The following GABRG3 variants were observed in gnomAD, a reference collection of about 807,000 sequenced individuals.
GABRG3 encodes gamma-aminobutyric acid receptor subunit gamma-3.
GABRG3 carries 25 observed loss-of-function variants against 48.8 expected under a neutral mutation model. The ratio of observed to expected loss-of-function variants is 0.51; its 90% CI spans 0.37 to 0.72. The LOEUF (loss-of-function observed/expected upper bound fraction) is 0.72, where lower values mean the gene tolerates loss of function less well. Ranked by LOEUF, GABRG3 falls within the 30% of genes least tolerant of loss-of-function variation. The probability of loss-of-function intolerance (pLI) is 0.00; values close to 1 mark genes in which losing one functional copy is unlikely to be tolerated. For missense variants in GABRG3, 394 were observed against 577.9 expected, an observed-to-expected ratio of 0.68 and a Z score of 3.26; for synonymous variants, 227 against 217.6, an observed-to-expected ratio of 1.04 and a Z score of -0.38.
At chr15:27,493,714 T>C (rs181746178) in intron 6 of GABRG3, among the ~76,000 whole-genome samples, 1 of 152,382 alleles carries the variant, frequency 6.6e-6, no homozygotes, top group East Asian at 1.9e-4. Context: ...CTATTAGTTA[T>C]ATTCTTCAAT....
chr15:26,995,018 G>A (rs1029614267), intron 2 of GABRG3, among the ~76,000 whole-genome samples: 2 of 151,946 alleles, frequency 1.3e-5, no homozygotes, highest in African/African-American at 2.4e-5. Context: ...TTGATCTTCT[G>A]TCTAATTGCT....
At chr15:26,977,759 T>C (rs1894979449) in intron 2 of GABRG3, among the ~76,000 whole-genome samples, 1 of 152,228 alleles carries the variant, frequency 6.6e-6, no homozygotes, top group African/African-American at 2.4e-5. Context: ...TGTTTTTGTC[T>C]ATTGCAAATA....
chr15:27,244,672 A>G (rs1890222025), intron 3 of GABRG3, among the ~76,000 whole-genome samples: 1 of 152,124 alleles, frequency 6.6e-6, no homozygotes, highest in African/African-American at 2.4e-5. Context: ...AGTCCCAGCT[A>G]CTCAGGAGGC....
chr15:27,126,739 C>A (rs1897828030), intron 3 of GABRG3, among the ~76,000 whole-genome samples: 1 of 152,236 alleles, frequency 6.6e-6, no homozygotes, highest in Non-Finnish European at 1.5e-5. Flanking sequence ...TCTGAACTTG[C>A]AGCACCGCCT....
At chr15:27,501,153 G>A (rs12908811) in intron 6 of GABRG3, among the ~76,000 whole-genome samples, 5,737 of 152,032 alleles carry the variant, frequency 0.038, 169 homozygotes, top group Middle Eastern at 0.12. Context: ...GGGTTTCACC[G>A]TGTTAACCAG....
At chr15:27,516,128 C>T (rs1433321249) in intron 6 of GABRG3, among the ~76,000 whole-genome samples, 1 of 150,576 alleles carries the variant, frequency 6.6e-6, no homozygotes, top group Non-Finnish European at 1.5e-5. Flanking sequence ...AAAAAACACC[C>T]CTACCAACTT....
chr15:27,307,691 TTATA>T (rs1239701233), intron 3 of GABRG3, among the ~76,000 whole-genome samples: 2 of 116,348 alleles, frequency 1.7e-5, no homozygotes, highest in Non-Finnish European at 3.6e-5. Context: ...AGGTTTATGT[TTATA>T]TATTTATATA....
chr15:27,176,338 C>A (rs574063460), intron 3 of GABRG3, among the ~76,000 whole-genome samples: 1 of 152,152 alleles, frequency 6.6e-6, no homozygotes, highest in Admixed American at 6.5e-5. Flanking sequence ...AGCACCAAAA[C>A]GCTGAGTTCA....
chr15:27,497,513 G>A (rs543369884), intron 6 of GABRG3, among the ~76,000 whole-genome samples: 355 of 152,142 alleles, frequency 2.3e-3, no homozygotes, highest in Middle Eastern at 6.8e-3. Context: ...TCATGCTTTC[G>A]CCTTGGAAAA....
chr15:27,420,501 C>A (rs575784743), intron 5 of GABRG3, among the ~76,000 whole-genome samples: 3 of 151,998 alleles, frequency 2.0e-5, no homozygotes, highest in Non-Finnish European at 4.4e-5. Context: ...TATTCCACAC[C>A]GGGAATTTGC....
intron 6 of GABRG3, among the ~76,000 whole-genome samples, chr15:27,511,190 C>T (rs1329228408): frequency 3.3e-5 from 5 of 152,156 alleles, no homozygotes; most frequent in African/African-American, 9.7e-5. Flanking sequence ...AAAAGAAGCA[C>T]CAAAAGCGCA....
intron 3 of GABRG3, among the ~76,000 whole-genome samples, chr15:27,307,363 CCA>C (rs1892627130): frequency 3.9e-5 from 1 of 25,842 alleles, no homozygotes. Context: ...TTATATATAA[CCA>C]TATAGGTTTA....
intron 5 of GABRG3, among the ~76,000 whole-genome samples, chr15:27,379,779 G>A (rs533411229): frequency 6.6e-6 from 1 of 152,278 alleles, no homozygotes; most frequent in South Asian, 2.1e-4. Flanking sequence ...GAGAAGTCCA[G>A]TGGAACTCTT....
At chr15:27,025,967 C>T (rs2140681726) in intron 2 of GABRG3, among the ~76,000 whole-genome samples, 1 of 152,280 alleles carries the variant, frequency 6.6e-6, no homozygotes, top group South Asian at 2.1e-4. Flanking sequence ...TCCGTGGGCT[C>T]AGCTGTCTCA....
intron 3 of GABRG3, among the ~76,000 whole-genome samples, chr15:27,127,425 G>A (rs1384875694): frequency 7.6e-6 from 1 of 131,318 alleles, no homozygotes; most frequent in East Asian, 2.6e-4. Context: ...AAGTAGAATG[G>A]TGGTTGCCAG....
intron 9 of GABRG3, among the ~76,000 whole-genome samples, chr15:27,530,008 C>T (rs1891383179): frequency 6.6e-6 from 1 of 152,036 alleles, no homozygotes; most frequent in African/African-American, 2.4e-5. Context: ...CCAGAGAGAC[C>T]TGTAGCAAGA....
chr15:27,444,852 A>G (rs1888895561), intron 5 of GABRG3, among the ~76,000 whole-genome samples: 1 of 152,130 alleles, frequency 6.6e-6, no homozygotes, highest in Non-Finnish European at 1.5e-5. Flanking sequence ...CTTTAATCCT[A>G]TATGAATAAT....
intron 5 of GABRG3, among the ~76,000 whole-genome samples, chr15:27,409,262 T>A (rs533712337): frequency 2.6e-5 from 4 of 152,210 alleles, no homozygotes; most frequent in African/African-American, 9.6e-5. Context: ...TTTGAATTAA[T>A]TTTTGTGCAT....
At chr15:27,213,453 GT>G (rs982410133) in intron 3 of GABRG3, among the ~76,000 whole-genome samples, 2 of 152,216 alleles carry the variant, frequency 1.3e-5, no homozygotes, top group African/African-American at 4.8e-5. Flanking sequence ...GGAGCAAAGA[GT>G]GGACTGGTCA....
Sources: allele counts gnomAD v4.1 joint callset (sites outside exome capture counted in the v4.1 genomes callset), GRCh38; gene constraint gnomAD v4.1.1; transcripts MANE v1.5; gene names NCBI Gene and HGNC (gene_info 2026-07-23, HGNC 2026-07-21).